Variants in CAMTA1 observed in about 807,000 individuals in gnomAD.
The protein encoded by CAMTA1 is calmodulin-binding transcription activator 1.
In CAMTA1, 27 loss-of-function variants were observed where a neutral mutation model predicts 170.9. The observed-to-expected ratio is 0.16, with a 90% CI of 0.12 to 0.22. The LOEUF (loss-of-function observed/expected upper bound fraction) is 0.22, where lower values mean the gene tolerates loss of function less well. Ranked by LOEUF, CAMTA1 falls within the 10% of genes least tolerant of loss-of-function variation. CAMTA1 has a pLI of 1.00. For synonymous variants in CAMTA1, 833 were observed against 891.5 expected, an observed-to-expected ratio of 0.93 and a Z score of 1.17; for missense variants, 1,619 against 2,217.2, an observed-to-expected ratio of 0.73 and a Z score of 5.42.
intron 6 of CAMTA1, among the ~76,000 whole-genome samples, chr1:7,497,139 A>G (rs994509035): frequency 2.6e-5 from 4 of 152,098 alleles, no homozygotes; most frequent in Non-Finnish European, 5.9e-5. Context: ...TCCTGAGGCC[A>G]CTCGCTGAAT....
chr1:7,371,830 T>G (rs1388967349), intron 5 of CAMTA1, among the ~76,000 whole-genome samples: 1 of 152,140 alleles, frequency 6.6e-6, no homozygotes, highest in Non-Finnish European at 1.5e-5. Flanking sequence ...GATGATTTTG[T>G]CCCCCCACTC....
In CAMTA1 at chr1:7,216,254, C is replaced by T. The variant is rs1295544753; in HGVS notation, c.303-33237C>T. ...AAGGGGGAAATCCTCCCCCATGATT[C>T]AGTCACCTCCCCCAGGCTCTTCCTC... On this transcript the variant is annotated intron_variant, in intron 4 of 22. Coordinates refer to ENST00000303635, the MANE Select transcript of CAMTA1 (RefSeq NM_015215.4). This position sits in a 1 kb window ranked among gnomAD's most constrained non-coding sequence, Gnocchi z 4.0. 2.0e-5 allele frequency among the ~76,000 whole-genome samples: 3 copies of T among 152,200 alleles called. No individual in the cohort carries two copies. The highest frequency in any genetic ancestry group is 4.4e-5 in the Non-Finnish European group (3 of 68,034).
chr1:7,420,288 G>A (rs564001904), intron 5 of CAMTA1, among the ~76,000 whole-genome samples: 11 of 152,202 alleles, frequency 7.2e-5, no homozygotes, highest in Admixed American at 1.3e-4. Flanking sequence ...TCACCCCAGC[G>A]GAGAGACCTT....
chr1:7,361,801 C>T (rs1176021260), intron 5 of CAMTA1, among the ~76,000 whole-genome samples: 2 of 152,162 alleles, frequency 1.3e-5, no homozygotes, highest in African/African-American at 2.4e-5. Flanking sequence ...TAGCAAGTAA[C>T]GTAAACCGAG....
intron 4 of CAMTA1, among the ~76,000 whole-genome samples, chr1:7,105,069 T>G (rs905702951): frequency 6.6e-6 from 1 of 152,220 alleles, no homozygotes; most frequent in Non-Finnish European, 1.5e-5. Flanking sequence ...CTTAATTTCT[T>G]TACCCAGTGC....
chr1:7,552,289 C>T (rs1011252705), intron 6 of CAMTA1, among the ~76,000 whole-genome samples: 3 of 152,238 alleles, frequency 2.0e-5, no homozygotes, highest in African/African-American at 7.2e-5. Flanking sequence ...AGAACAGGAC[C>T]TCTGAGCCCG....
chr1:7,462,082 C>T (rs1013722), intron 5 of CAMTA1, among the ~76,000 whole-genome samples: 2 of 152,072 alleles, frequency 1.3e-5, no homozygotes, highest in African/African-American at 2.4e-5. Flanking sequence ...TGACAGGTCA[C>T]AGGTCAGCAA....
At chr1:7,698,718 C>G (rs1311144348) in intron 11 of CAMTA1, 1 of 152,428 alleles carries the variant, frequency 6.6e-6, no homozygotes, top group South Asian at 2.1e-4. Context: ...TCGCCAGGAT[C>G]CCCAGCTGTC....
At chr1:6,868,115 A>G (rs528518485) in intron 3 of CAMTA1, among the ~76,000 whole-genome samples, 16 of 152,078 alleles carry the variant, frequency 1.1e-4, no homozygotes, top group Admixed American at 2.6e-4. Context: ...TGGCCTGGGT[A>G]GTTCTTTTTA....
At chr1:7,164,451 T>C (rs1647941040) in intron 4 of CAMTA1, among the ~76,000 whole-genome samples, 1 of 152,264 alleles carries the variant, frequency 6.6e-6, no homozygotes, top group Non-Finnish European at 1.5e-5. Flanking sequence ...GGTGGCTGGA[T>C]GCCAGCGTGG....
At chr1:7,754,065 T>A (rs1019456843) in intron 21 of CAMTA1, among the ~76,000 whole-genome samples, 1 of 152,204 alleles carries the variant, frequency 6.6e-6, no homozygotes, top group Admixed American at 6.5e-5. Context: ...GATCAAGGAC[T>A]CACCTGGGCC....
intron 3 of CAMTA1, chr1:7,008,246 T>G (rs1169932800): frequency 6.6e-6 from 1 of 152,346 alleles, no homozygotes; most frequent in Admixed American, 6.5e-5. Flanking sequence ...AGAGAAACAG[T>G]GCTTGCTGCA....
At chr1:7,568,087 C>CCAT (rs1192454688) in intron 6 of CAMTA1, among the ~76,000 whole-genome samples, 2 of 151,870 alleles carry the variant, frequency 1.3e-5, no homozygotes, top group Non-Finnish European at 2.9e-5. Context: ...ACCACCATCT[C>CCAT]CATCATCATC....
rs531186598 is a variant in CAMTA1 at position 6,952,782 on chromosome 1, C to G, written c.234+127572C>G. 2.0e-5 allele frequency among the ~76,000 whole-genome samples: 3 copies of G among 152,086 alleles called. No homozygotes were observed. In the South Asian group the frequency reaches 6.2e-4, roughly 32 times the overall value. ...CCAGGAGGCGGAGGTAGCAGTGAGC[C>G]GAGATAACGCCACTGTACTCCAGCC... On this transcript the variant is annotated intron_variant, in intron 3 of 22. Transcript: ENST00000303635.
intron 4 of CAMTA1, among the ~76,000 whole-genome samples, chr1:7,137,262 A>G (rs1032682241): frequency 6.6e-6 from 1 of 152,188 alleles, no homozygotes; most frequent in East Asian, 1.9e-4. Flanking sequence ...ACTAGAGTCT[A>G]TCCCACCCTC....
At chr1:7,232,105 T>G (rs1397345033) in intron 4 of CAMTA1, among the ~76,000 whole-genome samples, 1 of 152,198 alleles carries the variant, frequency 6.6e-6, no homozygotes, top group Admixed American at 6.5e-5. Context: ...GCGGGGCCTG[T>G]TAGAGGACTC....
At chr1:6,878,564 A>C (rs1272460178) in intron 3 of CAMTA1, among the ~76,000 whole-genome samples, 1 of 152,230 alleles carries the variant, frequency 6.6e-6, no homozygotes, top group African/African-American at 2.4e-5. Flanking sequence ...CAGTGACCTT[A>C]ATGGTCAATT....
intron 3 of CAMTA1, among the ~76,000 whole-genome samples, chr1:6,901,918 C>A (rs907228933): frequency 2.0e-5 from 3 of 151,760 alleles, no homozygotes; most frequent in African/African-American, 4.8e-5. Flanking sequence ...TGGTGGTGGG[C>A]CCCGGTATTC....
In CAMTA1 at chr1:7,640,561, G is replaced by T. The variant is rs372272982; in HGVS notation, c.664+8G>T. ...GGCAGCTGAAACCCATGTGTGAGTG[G>T]CCTTGGCCGGCCTGGCGCCCCCACG... On this transcript the variant is annotated splice_region_variant and intron_variant, in intron 7 of 22. Transcript: ENST00000303635. 19 of 1,613,956 alleles carry T rather than the reference G, an allele frequency of 1.2e-5. No homozygotes were observed. The highest frequency in any genetic ancestry group is 1.6e-5 in the Non-Finnish European group (19 of 1,179,954).
Sources: gnomAD v4.1 joint callset for allele counts (sites outside exome capture counted in the v4.1 genomes callset) on GRCh38, gnomAD v4.1.1 for gene constraint, Gnocchi (gnomAD v3.1) non-coding constraint, MANE v1.5 for transcripts, NCBI Gene and HGNC (gene_info 2026-07-23, HGNC 2026-07-21) for gene names.